Variants in TMEM132C observed in about 807,000 individuals in gnomAD.
The protein encoded by TMEM132C is protein phosphatase 1, regulatory subunit 152.
TMEM132C carries 29 observed loss-of-function variants against 61.4 expected under a neutral mutation model. That is an observed-to-expected ratio of 0.47 (90% CI 0.35 to 0.64). The LOEUF (loss-of-function observed/expected upper bound fraction) is 0.64, where lower values mean the gene tolerates loss of function less well. TMEM132C is among the 30% of genes least tolerant of loss of function. TMEM132C has a pLI of 0.00. For synonymous variants in TMEM132C, 656 were observed against 633.1 expected, an observed-to-expected ratio of 1.04 and a Z score of -0.54; for missense variants, 1,408 against 1,476.9, an observed-to-expected ratio of 0.95 and a Z score of 0.76.
At chr12:128,665,052 C>G (rs114247477) in intron 4 of TMEM132C, among the ~76,000 whole-genome samples, 3,494 of 151,060 alleles carry the variant, frequency 0.023, 75 homozygotes, top group African/African-American at 0.061. Context: ...TACATATACA[C>G]ACATAAGCAC....
intron 5 of TMEM132C, among the ~76,000 whole-genome samples, chr12:128,682,112 C>G (rs1410086556): frequency 6.6e-6 from 1 of 152,198 alleles, no homozygotes; most frequent in Non-Finnish European, 1.5e-5. Context: ...ATTGCTGTGG[C>G]TAGGAATGAG....
intron 1 of TMEM132C, among the ~76,000 whole-genome samples, chr12:128,395,772 A>G (rs1383734125): frequency 6.6e-6 from 1 of 152,198 alleles, no homozygotes; most frequent in Non-Finnish European, 1.5e-5. Flanking sequence ...AAGTAGAAAA[A>G]TCCTACGTTG....
chr12:128,705,165 TTC>T lies in TMEM132C; in HGVS notation c.2200_2201del (p.Ser734ProfsTer49). ...CCTGGACATCTACGACACCAAGGACTTCTCCCTGGCAGCCACCTCCCAGGACG... is the reference window on the plus strand; with the variant it reads ...CCTGGACATCTACGACACCAAGGACTTCCCTGGCAGCCACCTCCCAGGACG... Reference protein sequence around the residue: ...TPLDIYDTKDFSLAATSQDEA... With the variant: ...TPLDIYDTKDXSLAATSQDEA... On this transcript the variant is annotated frameshift_variant, in exon 9 of 9. Coordinates refer to ENST00000435159, the MANE Select transcript of TMEM132C (RefSeq NM_001136103.3). LOFTEE classifies it low-confidence loss of function (END_TRUNC). 1 of 1,551,646 alleles carries T rather than the reference TTC, an allele frequency of 6.4e-7. No individual in the cohort carries two copies. The highest frequency in any genetic ancestry group is 8.7e-7 in the Non-Finnish European group (1 of 1,146,980).
Position 128,617,969 on chromosome 12 carries a change from T to A in TMEM132C, c.1305+1634T>A, listed in dbSNP as rs1345067718. Among the ~76,000 whole-genome samples, 3 of 152,344 alleles carry A rather than the reference T, an allele frequency of 2.0e-5. No individual in the cohort carries two copies. The East Asian group carries it at 5.8e-4, about 29-fold the overall frequency. ...ATCTGCTGCCCGGTTTTGTACACCA[T>A]GCAAGCTAAGAATGGTTTTAACATT... On this transcript the variant is annotated intron_variant, in intron 4 of 8. Coordinates refer to ENST00000435159, the MANE Select transcript of TMEM132C (RefSeq NM_001136103.3).
At chr12:128,631,245 A>G (rs527827661) in intron 4 of TMEM132C, among the ~76,000 whole-genome samples, 1 of 152,340 alleles carries the variant, frequency 6.6e-6, no homozygotes, top group Non-Finnish European at 1.5e-5. Flanking sequence ...ATTGGCTAGA[A>G]AAAAAGAGGA....
At chr12:128,397,021 T>C (rs993480662) in intron 1 of TMEM132C, among the ~76,000 whole-genome samples, 2 of 152,098 alleles carry the variant, frequency 1.3e-5, no homozygotes, top group Non-Finnish European at 2.9e-5. Flanking sequence ...GCATCTTAGG[T>C]CAGCGGATGG....
chr12:128,592,547 T>C (rs1875790883), intron 3 of TMEM132C, among the ~76,000 whole-genome samples: 1 of 152,198 alleles, frequency 6.6e-6, no homozygotes, highest in South Asian at 2.1e-4. Flanking sequence ...TCCCCATAGA[T>C]TTCCACTCCA....
At chr12:128,298,559 G>A (rs1041335254) in intron 1 of TMEM132C, among the ~76,000 whole-genome samples, 10 of 152,114 alleles carry the variant, frequency 6.6e-5, no homozygotes, top group African/African-American at 1.9e-4. Flanking sequence ...AACCAGCATC[G>A]GCAGGTGCCT....
intron 3 of TMEM132C, among the ~76,000 whole-genome samples, chr12:128,571,568 C>T (rs577167929): frequency 5.6e-4 from 86 of 152,294 alleles, no homozygotes; most frequent in African/African-American, 9.9e-4. Context: ...TCCCCCTCCC[C>T]GCAGCCCCTG....
chr12:128,652,539 T>C (rs1954282272), intron 4 of TMEM132C, among the ~76,000 whole-genome samples: 2 of 152,200 alleles, frequency 1.3e-5, no homozygotes, highest in African/African-American at 4.8e-5. Context: ...AACACAGAGT[T>C]CTCGGAGCCA....
chr12:128,477,360 G>A (rs539306964), intron 2 of TMEM132C, among the ~76,000 whole-genome samples: 24 of 152,228 alleles, frequency 1.6e-4, no homozygotes, highest in African/African-American at 5.3e-4. Context: ...GGCCTTCCCC[G>A]CATGAGGCCA....
At chr12:128,658,104 A>T (rs11059808) in intron 4 of TMEM132C, among the ~76,000 whole-genome samples, 3,397 of 73,086 alleles carry the variant, frequency 0.046, 3 homozygotes, top group African/African-American at 0.1. Flanking sequence ...CATGGAGGCC[A>T]CAAGGCAGGA....
chr12:128,420,230 C>A (rs944486397), intron 2 of TMEM132C, among the ~76,000 whole-genome samples: 2 of 151,898 alleles, frequency 1.3e-5, no homozygotes, highest in African/African-American at 4.8e-5. Flanking sequence ...CAAGTAAATA[C>A]AATGGATAGT....
At chr12:128,583,801 G>A (rs1225801026) in intron 3 of TMEM132C, among the ~76,000 whole-genome samples, 3 of 152,212 alleles carry the variant, frequency 2.0e-5, no homozygotes, top group Non-Finnish European at 4.4e-5. Flanking sequence ...AGCTGTGCAT[G>A]AAGCTGGCCT....
chr12:128,377,499 G>A (rs1874233026), intron 1 of TMEM132C, among the ~76,000 whole-genome samples: 1 of 152,212 alleles, frequency 6.6e-6, no homozygotes, highest in African/African-American at 2.4e-5. Flanking sequence ...ATTAGAAGGA[G>A]ATGAGACAAA....
intron 2 of TMEM132C, among the ~76,000 whole-genome samples, chr12:128,486,572 T>C (rs933753654): frequency 6.6e-6 from 1 of 152,200 alleles, no homozygotes; most frequent in Admixed American, 6.5e-5. Flanking sequence ...TGAAAATACT[T>C]ACTGCTTCTG....
chr12:128,330,815 A>G (rs770107437), intron 1 of TMEM132C, among the ~76,000 whole-genome samples: 1 of 152,236 alleles, frequency 6.6e-6, no homozygotes, highest in Non-Finnish European at 1.5e-5. Flanking sequence ...GACTATGAAA[A>G]GAAGCTGTTA....
At chr12:128,423,183 G>A (rs1364594757) in intron 2 of TMEM132C, among the ~76,000 whole-genome samples, 1 of 152,194 alleles carries the variant, frequency 6.6e-6, no homozygotes, top group Non-Finnish European at 1.5e-5. Flanking sequence ...GTCTTTAATA[G>A]CCCTTGCTTT....
rs1389086211 is a variant in TMEM132C at position 128,267,268 on chromosome 12, C to T, written c.-135C>T. 8 of 410,576 alleles carry T rather than the reference C, an allele frequency of 1.9e-5. No individual in the cohort carries two copies. In the Admixed American group the frequency reaches 2.6e-4, roughly 14 times the overall value. The allele number at this position is 410,576 out of a possible 1,614,324, so 25.4% of individuals were successfully genotyped here. On this transcript the variant is annotated 5_prime_UTR_variant, in exon 1 of 9. Transcript: ENST00000435159. ...GCGTGGACCCGGCAGGGGCGGGCCTCGGACAGCAGAGACGCAGCGGGCCCG... is the reference window on the plus strand; with the variant it reads ...GCGTGGACCCGGCAGGGGCGGGCCTTGGACAGCAGAGACGCAGCGGGCCCG...
Sources: gnomAD v4.1 joint callset for allele counts (sites outside exome capture counted in the v4.1 genomes callset) on GRCh38, gnomAD v4.1.1 for gene constraint, MANE v1.5 for transcripts, NCBI Gene and HGNC (gene_info 2026-07-23, HGNC 2026-07-21) for gene names.